USP7: variants seen among roughly 807,000 people sequenced by gnomAD.
USP7 encodes ubiquitin specific peptidase 7, also known as ubiquitin C-terminal hydrolase 7.
A neutral mutation model predicts 162.9 loss-of-function variants in USP7; 9 were observed. That is an observed-to-expected ratio of 0.06 (90% CI 0.03 to 0.10). The LOEUF (loss-of-function observed/expected upper bound fraction) is 0.10. Among genes scored for constraint, USP7 ranks in the 10% least tolerant of loss-of-function variants. The pLI is 1.00. For synonymous variants in USP7, 562 were observed against 475.9 expected, an observed-to-expected ratio of 1.18 and a Z score of -2.35; for missense variants, 715 against 1,373.7, an observed-to-expected ratio of 0.52 and a Z score of 7.58.
rs976899389 is a variant in USP7 at position 8,914,264 on chromosome 16, G to C, written c.1078+990C>G. Reference sequence around the variant, plus strand: ...TATACTCCCACCAAAATCTTTCAAAGTCTGGCAACTGACAGCTCCAGTGTG... The same window carrying C: ...TATACTCCCACCAAAATCTTTCAAACTCTGGCAACTGACAGCTCCAGTGTG... On this transcript the variant is annotated intron_variant, in intron 10 of 30. Coordinates refer to ENST00000344836, the MANE Select transcript of USP7 (RefSeq NM_003470.3). Among the ~76,000 whole-genome samples the C allele has an allele frequency of 4.5e-4, 69 of 152,090 alleles. 2 individuals carry two copies. The highest frequency in any genetic ancestry group is 1.5e-3 in the African/African-American group (64 of 41,382).
intron 8 of USP7, 33 bp downstream of exon 8, chr16:8,916,469 G>C: frequency 6.3e-7 from 1 of 1,580,612 alleles, no homozygotes; most frequent in Non-Finnish European, 8.6e-7. Flanking sequence ...AATATTCATT[G>C]TAAGAAATAT....
intron 1 of USP7, chr16:8,936,681 C>G (rs778491661): frequency 1.4e-4 from 208 of 1,522,710 alleles, no homozygotes; most frequent in Non-Finnish European, 1.8e-4. Flanking sequence ...ATCAGAGTGA[C>G]TGCATAGAAT....
intron 2 of USP7, among the ~76,000 whole-genome samples, chr16:8,926,372 G>T (rs962567460): frequency 6.6e-6 from 1 of 152,082 alleles, no homozygotes; most frequent in Non-Finnish European, 1.5e-5. Context: ...CCAGCTACTT[G>T]GGAGGTCGAG....
At chr16:8,907,639 T>A (rs1446158290) in intron 12 of USP7, among the ~76,000 whole-genome samples, 1 of 152,088 alleles carries the variant, frequency 6.6e-6, no homozygotes, top group Admixed American at 6.5e-5. Flanking sequence ...GCAGATCACT[T>A]GAGACCAGCC....
chr16:8,899,534 A>T, intron 22 of USP7, 70 bp downstream of exon 22: 1 of 1,575,004 alleles, frequency 6.3e-7, no homozygotes, highest in Non-Finnish European at 8.7e-7. Flanking sequence ...CTTCTTCAAC[A>T]AGCATTTTAA....
chr16:8,911,468 T>G (rs2061945364), intron 10 of USP7, among the ~76,000 whole-genome samples: 1 of 152,220 alleles, frequency 6.6e-6, no homozygotes, highest in East Asian at 1.9e-4. Context: ...CGGAATTGTA[T>G]ATCCAGAGTG....
At chr16:8,948,294 C>A (rs1899379665) in intron 1 of USP7, among the ~76,000 whole-genome samples, 1 of 152,156 alleles carries the variant, frequency 6.6e-6, no homozygotes, top group South Asian at 2.1e-4. Context: ...GCAATCCTCC[C>A]ACCTCAGCCT....
At chr16:8,894,150 G>T in intron 30 of USP7, 46 bp from the exon 31 acceptor site, 3 of 1,564,424 alleles carry the variant, frequency 1.9e-6, no homozygotes, top group Non-Finnish European at 2.6e-6. Context: ...AGCAGCCCTG[G>T]AACCCCTCAG....
Position 8,895,630 on chromosome 16 carries a change from G to A in USP7, c.2919+12C>T, listed in dbSNP as rs374329816. On this transcript the variant is annotated intron_variant, in intron 27 of 30. Transcript: ENST00000344836. ...AATTCTCTCTGGTGCCAACAGTATCGGGGACAGATACCTCTATTCGAAACG... is the reference window on the plus strand; with the variant it reads ...AATTCTCTCTGGTGCCAACAGTATCAGGGACAGATACCTCTATTCGAAACG... The A allele has an allele frequency of 7.5e-6, 12 of 1,603,738 alleles. No individual in the cohort carries two copies. Among genetic ancestry groups the A allele is most frequent in the South Asian group, 4.4e-5 (4 of 89,902 alleles).
chr16:8,893,087 T>C lies in USP7; in HGVS notation c.*911A>G, dbSNP rs185044833. On this transcript the variant is annotated 3_prime_UTR_variant, in exon 31 of 31. Coordinates refer to ENST00000344836, the MANE Select transcript of USP7 (RefSeq NM_003470.3). ...CCTCCTCCCAGTGGCAAATTGTACA[T>C]GTTCATTCATTAAATATACAATTCA... is the stretch of plus-strand genomic sequence containing the variant. 6.6e-6 allele frequency: 1 copy of C among 152,236 alleles called. No homozygotes were observed. The highest frequency in any genetic ancestry group is 6.5e-5 in the Admixed American group (1 of 15,286). 9.4% of individuals were successfully genotyped at this position (152,236 alleles called of 1,614,324 possible).
intron 10 of USP7, among the ~76,000 whole-genome samples, chr16:8,912,603 T>C (rs2061964950): frequency 6.6e-6 from 1 of 150,756 alleles, no homozygotes; most frequent in Non-Finnish European, 1.5e-5. Flanking sequence ...CATTATCAAC[T>C]ATACTTAAGT....
At chr16:8,904,369 A>G in intron 15 of USP7, 66 bp downstream of exon 15, 1 of 1,590,378 alleles carries the variant, frequency 6.3e-7, no homozygotes, top group Non-Finnish European at 8.6e-7. Flanking sequence ...GCTGACCTGC[A>G]CTTGTGTATA....
rs55937310 is a variant in USP7 at position 8,892,606 on chromosome 16, T to TAAAAAAA, written c.*1385_*1391dup. 9.2e-5 allele frequency: 11 copies of TAAAAAAA among 119,968 alleles called. No individual in the cohort carries two copies. The highest frequency in any genetic ancestry group is 2.5e-4 in the East Asian group (1 of 4,072). The allele number at this position is 119,968 out of a possible 1,614,324, so 7.4% of individuals were successfully genotyped here. A position where few individuals can be genotyped will look rare whatever the true frequency, so the allele number is the denominator to read the frequency against. On this transcript the variant is annotated 3_prime_UTR_variant, in exon 31 of 31. Coordinates refer to ENST00000344836, the MANE Select transcript of USP7 (RefSeq NM_003470.3). ...AGAGTAAATGTGACTAGTTAGAGGC[T>TAAAAAAA]AAAAAAAAAAAAAAAAAAAAAAAGA...
chr16:8,923,607 C>T (rs1452675109), intron 2 of USP7, among the ~76,000 whole-genome samples, 194 bp from the exon 3 acceptor site: 1 of 152,146 alleles, frequency 6.6e-6, no homozygotes, highest in South Asian at 2.1e-4. Context: ...TTAATTCTTC[C>T]TTATGAAGTC....
At chr16:8,917,424 G>T (rs1396803045) in intron 6 of USP7, among the ~76,000 whole-genome samples, 1 of 152,212 alleles carries the variant, frequency 6.6e-6, no homozygotes, top group Non-Finnish European at 1.5e-5. Flanking sequence ...TGTTGGCCAG[G>T]CTGAAGTGCA....
chr16:8,930,360 G>A lies in USP7; in HGVS notation c.117C>T (p.Asn39=), dbSNP rs747795179. The A allele has an allele frequency of 1.2e-6, 2 of 1,612,776 alleles. No homozygotes were observed. The highest frequency in any genetic ancestry group is 1.3e-5 in the African/African-American group (1 of 74,778). ...GGGCCACATTCCCATTGATCACAGGGTTCTGAGTAATTCTTGGTGGGTCAT... is the reference window on the plus strand; with the variant it reads ...GGGCCACATTCCCATTGATCACAGGATTCTGAGTAATTCTTGGTGGGTCAT... ...DTDDPPRITQ[N]PVINGNVALS... The change falls in exon 2 of 31, where the codon AAC becomes AAT. Residue 39 remains asparagine, a synonymous_variant. Coordinates refer to ENST00000344836, the MANE Select transcript of USP7 (RefSeq NM_003470.3).
In USP7 at chr16:8,898,657, A is replaced by G; in HGVS notation, c.2532-18T>C. The G allele has an allele frequency of 1.3e-6, 2 of 1,538,738 alleles. No homozygotes were observed. The highest frequency in any genetic ancestry group is 1.8e-6 in the Non-Finnish European group (2 of 1,139,680). ...CCCTATAACTACACAAGAAAACAGC[A>G]TATAAATAAATGACTTGTTTATTTG... On this transcript the variant is annotated intron_variant, in intron 23 of 30. Coordinates refer to ENST00000344836, the MANE Select transcript of USP7 (RefSeq NM_003470.3).
Position 8,902,564 on chromosome 16 carries a change from CATATACATATATAT to C in USP7, c.1840-96_1840-83del, listed in dbSNP as rs2061792393. 9 of 989,184 alleles carry C rather than the reference CATATACATATATAT, an allele frequency of 9.1e-6. No homozygotes were observed. The South Asian group carries it at 1.4e-4, about 15-fold the overall frequency. The allele number at this position is 989,184 out of a possible 1,614,324, so 61.3% of individuals were successfully genotyped here. ...TATATTACACACACATATGTATATA[CATATACATATATAT>C]ATATAGTCAATGTTAAGACTGTGAT... On this transcript the variant is annotated intron_variant, in intron 16 of 30. Coordinates refer to ENST00000344836, the MANE Select transcript of USP7 (RefSeq NM_003470.3).
At chr16:8,934,194 TAAAA>T (rs1478242386) in intron 1 of USP7, among the ~76,000 whole-genome samples, 1 of 152,218 alleles carries the variant, frequency 6.6e-6, no homozygotes, top group African/African-American at 2.4e-5. Context: ...TTTCTGTACA[TAAAA>T]CTTCATGTCT....
Sources: allele counts gnomAD v4.1 joint callset (sites outside exome capture counted in the v4.1 genomes callset), GRCh38; gene constraint gnomAD v4.1.1; transcripts MANE v1.5; gene names NCBI Gene and HGNC (gene_info 2026-07-23, HGNC 2026-07-21).